The following DMD variants were observed in gnomAD, a reference collection of about 807,000 sequenced individuals.
DMD encodes mutant dystrophin.
Under a neutral mutation model 330.1 loss-of-function variants are expected in DMD, and 63 were observed. That is an observed-to-expected ratio of 0.19 (90% CI 0.16 to 0.24). DMD has a LOEUF of 0.24. DMD is among the 10% of genes least tolerant of loss of function. The pLI, the probability that DMD is intolerant of heterozygous loss-of-function variation, is 1.00. For missense variants in DMD, 3,344 were observed against 2,684.1 expected (o/e 1.25, Z -5.43); for synonymous variants, 1,223 against 959.8 (o/e 1.27, Z -5.07).
chrX:31,293,569 G>A (rs1394915108), intron 62 of DMD, among the ~76,000 whole-genome samples: 1 of 111,046 alleles, frequency 9.0e-6, no homozygotes, highest in Non-Finnish European at 1.9e-5. Flanking sequence ...ATGTGGCAGT[G>A]AGGCTTGGGT....
At chrX:31,449,929 G>A (rs1256707365) in intron 59 of DMD, among the ~76,000 whole-genome samples, 2 of 106,986 alleles carry the variant, frequency 1.9e-5, no homozygotes, top group African/African-American at 6.8e-5. Flanking sequence ...ACTCATAGAC[G>A]TCCTATCTCA....
At chrX:31,845,111 T>C (rs1274702380) in intron 48 of DMD, among the ~76,000 whole-genome samples, 1 of 109,623 alleles carries the variant, frequency 9.1e-6, no homozygotes, top group Non-Finnish European at 1.9e-5. Flanking sequence ...GAAGAAAGAT[T>C]AAAAAGAGTA....
chrX:31,289,340 T>C (rs73464388), intron 62 of DMD, among the ~76,000 whole-genome samples: 1,526 of 108,943 alleles, frequency 0.014, 47 homozygotes, highest in African/African-American at 0.049. Flanking sequence ...TTATAATTAT[T>C]TATTGTAATT....
chrX:33,149,083 A>G (rs970063059), intron 1 of DMD, among the ~76,000 whole-genome samples: 1 of 110,166 alleles, frequency 9.1e-6, no homozygotes, highest in African/African-American at 3.3e-5. Flanking sequence ...ATAATTGGAG[A>G]CTATTTCATT....
chrX:32,539,772 A>G lies in DMD; in HGVS notation c.2168+5387T>C, dbSNP rs184146750. 7.1e-5 allele frequency among the ~76,000 whole-genome samples: 8 copies of G among 112,054 alleles called. No homozygotes were observed. The East Asian group carries it at 2.2e-3, about 31-fold the overall frequency. ...CATAAAAAGAAAATCAAACAAACAA[A>G]AAACAGAAACAAACTGAAAAGTAGA... On this transcript the variant is annotated intron_variant, in intron 17 of 78. Transcript: ENST00000357033.
intron 25 of DMD, among the ~76,000 whole-genome samples, chrX:32,461,687 T>C (rs918182929): frequency 2.7e-5 from 3 of 110,924 alleles, no homozygotes; most frequent in African/African-American, 9.8e-5. Context: ...CCCCTTGCTC[T>C]ACATAAATTG....
rs184108127 is a variant in DMD at position 33,141,720 on chromosome X, A to T, written c.31+69562T>A. ...CACTACTTTCATTTTCTTTGCAGTC[A>T]TCACACAAGTAAAATTTTATAGGTT... On this transcript the variant is annotated intron_variant, in intron 1 of 78. Coordinates refer to ENST00000357033, the MANE Select transcript of DMD (RefSeq NM_004006.3). 2.7e-5 allele frequency among the ~76,000 whole-genome samples: 3 copies of T among 111,536 alleles called. No homozygotes were observed. In the East Asian group the frequency reaches 8.5e-4, roughly 32 times the overall value.
intron 78 of DMD, among the ~76,000 whole-genome samples, chrX:31,122,558 A>AAAT (rs910883024): frequency 1.8e-5 from 2 of 111,370 alleles, no homozygotes; most frequent in South Asian, 3.8e-4. Flanking sequence ...TTGGGTTGAA[A>AAAT]AATAATAATA....
chrX:31,485,928 G>C (rs1020884879), intron 57 of DMD, among the ~76,000 whole-genome samples: 6 of 112,425 alleles, frequency 5.3e-5, no homozygotes, highest in Admixed American at 1.9e-4. Flanking sequence ...GCAGGCTGAA[G>C]TGGTGAAAAG....
At position 31,875,318 on chromosome X, in the gene DMD, A is replaced by G. The variant is rs747847667; in HGVS notation, c.6968T>C (p.Leu2323Pro). Residue 2323 changes from leucine (L) to proline (P), a missense_variant, in exon 48 of 79, where the codon CTT becomes CCT. Physicochemically the swap from Leu to Pro is moderately conservative, Grantham distance 98. Transcript: ENST00000357033. ...TTCAAGCTTTTTTTCAAGCTGCCCA[A>G]GGTCTTTTATTTGAGCTTCAATTTC... Reference protein sequence around the residue: ...QGEIEAQIKDLGQLEKKLEDL... With the variant: ...QGEIEAQIKDPGQLEKKLEDL... 1 of 1,207,000 alleles carries G rather than the reference A, an allele frequency of 8.3e-7. No homozygotes were observed. Among genetic ancestry groups the G allele is most frequent in the African/African-American group, 1.8e-5 (1 of 56,918 alleles).
chrX:32,823,623 A>C (rs2078458871), intron 4 of DMD, among the ~76,000 whole-genome samples: 1 of 111,922 alleles, frequency 8.9e-6, no homozygotes, highest in Admixed American at 9.5e-5. Context: ...ACTGCAGATT[A>C]AAGAGGTCAA....
intron 16 of DMD, among the ~76,000 whole-genome samples, chrX:32,561,796 G>A (rs1200849044): frequency 9.0e-6 from 1 of 111,539 alleles, no homozygotes; most frequent in Non-Finnish European, 1.9e-5. Flanking sequence ...AGAGAGAAAG[G>A]CCAGGTTACC....
Position 32,011,069 on chromosome X carries a change from G to A in DMD, c.6439-42555C>T, listed in dbSNP as rs966889266. Among the ~76,000 whole-genome samples, 7 of 112,280 alleles carry A rather than the reference G, an allele frequency of 6.2e-5. No homozygotes were observed. The East Asian group carries it at 8.5e-4, about 14-fold the overall frequency. On this transcript the variant is annotated intron_variant, in intron 44 of 78. Coordinates refer to ENST00000357033, the MANE Select transcript of DMD (RefSeq NM_004006.3). ...TTCCTGAATGTTAGTGGGGGAATCC[G>A]TTACACTAATCCACACAAGTAGTCG...
At chrX:32,552,543 A>T (rs1031479316) in intron 16 of DMD, among the ~76,000 whole-genome samples, 2 of 112,065 alleles carry the variant, frequency 1.8e-5, no homozygotes, top group African/African-American at 3.2e-5. Flanking sequence ...CACCAAAAAC[A>T]ATTGAAACAA....
chrX:31,845,417 CTCTCTCT>C (rs1378288500), intron 48 of DMD, among the ~76,000 whole-genome samples: 33 of 99,081 alleles, frequency 3.3e-4, no homozygotes, highest in African/African-American at 1.2e-3. Flanking sequence ...CTCTCTCTCT[CTCTCTCT>C]CCCTCTCCTC....
At chrX:32,097,998 C>A (rs953394079) in intron 44 of DMD, among the ~76,000 whole-genome samples, 1 of 110,935 alleles carries the variant, frequency 9.0e-6, no homozygotes, top group Non-Finnish European at 1.9e-5. Flanking sequence ...CAGATAAACA[C>A]CAAAAGCACT....
At chrX:32,393,185 T>C (rs1374207387) in intron 30 of DMD, among the ~76,000 whole-genome samples, 1 of 111,715 alleles carries the variant, frequency 9.0e-6, no homozygotes, top group African/African-American at 3.3e-5. Context: ...CTCTCATTTG[T>C]TTTGCTTTAG....
intron 2 of DMD, among the ~76,000 whole-genome samples, chrX:32,869,259 CCAAGAT>C (rs1305374570): frequency 3.0e-4 from 33 of 111,158 alleles, no homozygotes; most frequent in African/African-American, 1.1e-3. Context: ...TCAGCAGCCT[CCAAGAT>C]TGAAACTAGA....
intron 44 of DMD, among the ~76,000 whole-genome samples, chrX:31,992,883 T>G (rs186866491): frequency 2.1e-3 from 234 of 111,086 alleles, no homozygotes; most frequent in African/African-American, 7.1e-3. Flanking sequence ...CTTGGGAGAG[T>G]GTAGAAAGTT....
Sources: gnomAD v4.1 joint callset for allele counts (sites outside exome capture counted in the v4.1 genomes callset) on GRCh38, gnomAD v4.1.1 for gene constraint, MANE v1.5 for transcripts, NCBI Gene and HGNC (gene_info 2026-07-23, HGNC 2026-07-21) for gene names.